BARX2: variants seen among roughly 807,000 people sequenced by gnomAD.
The protein encoded by BARX2 is BARX homeobox 2.
A neutral mutation model predicts 25.5 loss-of-function variants in BARX2; 11 were observed. That is an observed-to-expected ratio of 0.43 (90% confidence interval 0.27 to 0.71). BARX2 has a LOEUF of 0.71. BARX2 is among the 30% of genes least tolerant of loss of function. The pLI is 0.19. For synonymous variants in BARX2, 137 were observed against 149.5 expected (o/e 0.92, Z 0.61); for missense variants, 360 against 359.9 (o/e 1.00, Z 0.00).
chr11:129,378,675 C>A (rs1163560291), intron 1 of BARX2, among the ~76,000 whole-genome samples: 1 of 140,238 alleles, frequency 7.1e-6, no homozygotes, highest in African/African-American at 2.6e-5. Flanking sequence ...AGTTACTGAA[C>A]TTTCTCAGCC....
intron 1 of BARX2, among the ~76,000 whole-genome samples, chr11:129,396,726 T>A (rs1033776634): frequency 3.9e-5 from 6 of 152,000 alleles, no homozygotes; most frequent in Non-Finnish European, 7.4e-5. Context: ...AGTAATAGAA[T>A]ATGCTGGAAT....
chr11:129,395,254 A>G (rs967741690), intron 1 of BARX2, among the ~76,000 whole-genome samples: 1 of 152,078 alleles, frequency 6.6e-6, no homozygotes, highest in Non-Finnish European at 1.5e-5. Context: ...TAGAGAGTCT[A>G]TTTAGTTCCC....
At position 129,451,667 on chromosome 11, in the gene BARX2, G is replaced by C; in HGVS notation, c.*265G>C. On this transcript the variant is annotated 3_prime_UTR_variant, in exon 4 of 4. Transcript: ENST00000281437. ...GGGAGAGAGCGCCTAGGAGCTGCCT[G>C]CCCCAGCTGGGGTGACGGCTGTAGG... The C allele has an allele frequency of 2.1e-6, 1 of 470,520 alleles. No individual in the cohort carries two copies. Among genetic ancestry groups the C allele is most frequent in the Non-Finnish European group, 3.8e-6 (1 of 261,726 alleles). 29.1% of individuals were successfully genotyped at this position (470,520 alleles called of 1,614,324 possible).
At position 129,436,735 on chromosome 11, in the gene BARX2, C is replaced by T; in HGVS notation, c.188-16C>T. The T allele has an allele frequency of 1.3e-6, 2 of 1,546,848 alleles. No homozygotes were observed. Among genetic ancestry groups the T allele is most frequent in the African/African-American group, 1.4e-5 (1 of 73,214 alleles). Reference sequence around the variant, plus strand: ...ACCGTTCCCTGTGGTGACCTGCCTCCCTGCTTGTTTTCCAGGCTCCCCTTC... The same window carrying T: ...ACCGTTCCCTGTGGTGACCTGCCTCTCTGCTTGTTTTCCAGGCTCCCCTTC... On this transcript the variant is annotated splice_polypyrimidine_tract_variant and intron_variant, in intron 1 of 3. Coordinates refer to ENST00000281437, the MANE Select transcript of BARX2 (RefSeq NM_003658.5). This position sits in a 1 kb window ranked among gnomAD's most constrained non-coding sequence, Gnocchi z 4.5.
intron 1 of BARX2, among the ~76,000 whole-genome samples, chr11:129,407,666 T>C (rs1861845420): frequency 6.6e-6 from 1 of 152,218 alleles, no homozygotes; most frequent in African/African-American, 2.4e-5. Context: ...TGCAGCACTC[T>C]ACTAAATGTT....
intron 2 of BARX2, 159 bp from the exon 3 acceptor site, chr11:129,442,676 G>C (rs1294953067): frequency 3.4e-5 from 24 of 713,714 alleles, no homozygotes; most frequent in Non-Finnish European, 6.1e-5. Context: ...TGGATTCTTG[G>C]AAGGAAAGAA....
intron 1 of BARX2, among the ~76,000 whole-genome samples, chr11:129,432,364 A>G (rs1161188958): frequency 6.6e-6 from 1 of 152,188 alleles, no homozygotes; most frequent in African/African-American, 2.4e-5. Flanking sequence ...ACCCAGCCTC[A>G]TTTGTTGAAA....
chr11:129,383,391 A>G (rs1861587630), intron 1 of BARX2, among the ~76,000 whole-genome samples: 1 of 152,210 alleles, frequency 6.6e-6, no homozygotes, highest in Non-Finnish European at 1.5e-5. Context: ...AGAAGGCGGT[A>G]TAATTATATT....
chr11:129,393,553 T>A (rs1026148910), intron 1 of BARX2, among the ~76,000 whole-genome samples: 3 of 151,882 alleles, frequency 2.0e-5, no homozygotes, highest in Non-Finnish European at 4.4e-5. Context: ...GTAAAGTTCT[T>A]ACATAGCTGA....
intron 1 of BARX2, among the ~76,000 whole-genome samples, chr11:129,393,018 C>A (rs1292275620): frequency 6.6e-6 from 1 of 152,058 alleles, no homozygotes. Context: ...TGCCTGTAAT[C>A]CTAGGACTGT....
chr11:129,434,010 G>A (rs1862158304), intron 1 of BARX2, among the ~76,000 whole-genome samples: 1 of 152,172 alleles, frequency 6.6e-6, no homozygotes, highest in South Asian at 2.1e-4. Context: ...AGATGCAAAT[G>A]TGTAGATTCC....
At chr11:129,428,855 G>A (rs1359752747) in intron 1 of BARX2, among the ~76,000 whole-genome samples, 1 of 152,180 alleles carries the variant, frequency 6.6e-6, no homozygotes, top group African/African-American at 2.4e-5. Flanking sequence ...TTGTGTGTGC[G>A]CCTCCAACTT....
At position 129,376,254 on chromosome 11, in the gene BARX2, T is replaced by G; in HGVS notation, c.187+32T>G. On this transcript the variant is annotated intron_variant, in intron 1 of 3. Coordinates refer to ENST00000281437, the MANE Select transcript of BARX2 (RefSeq NM_003658.5). This position sits in a 1 kb window ranked among gnomAD's most constrained non-coding sequence, Gnocchi z 4.2. ...CGCTCCGCTAGGGGATAAGTGGGGT[T>G]CGGTAGCTTTCACGTCCGTGTAGGT... The G allele has an allele frequency of 6.4e-7, 1 of 1,568,672 alleles. No individual in the cohort carries two copies. Among genetic ancestry groups the G allele is most frequent in the South Asian group, 1.2e-5 (1 of 86,616 alleles).
At chr11:129,410,925 C>T (rs1413558489) in intron 1 of BARX2, among the ~76,000 whole-genome samples, 8 of 152,182 alleles carry the variant, frequency 5.3e-5, no homozygotes, top group East Asian at 1.9e-4. Flanking sequence ...ACAGTATACA[C>T]GGTGCAGCCA....
rs183946902 is a variant in BARX2 at position 129,432,957 on chromosome 11, T to C, written c.188-3794T>C. Among the ~76,000 whole-genome samples, 135 of 152,220 alleles carry C rather than the reference T, an allele frequency of 8.9e-4. 4 individuals are homozygous for C. Among genetic ancestry groups the C allele is most frequent in the Admixed American group, 8.8e-3 (135 of 15,292 alleles). ...GGCGTGCCCCAGAGTTCAGCCCTTG[T>C]ATTTCTTCATTTTTTTATTCCACCC... On this transcript the variant is annotated intron_variant, in intron 1 of 3. Coordinates refer to ENST00000281437, the MANE Select transcript of BARX2 (RefSeq NM_003658.5).
In BARX2 at chr11:129,376,197, AC is replaced by A. The variant is rs752697198; in HGVS notation, c.165del (p.Lys56SerfsTer20). 1 of 1,609,248 alleles carries A rather than the reference AC, an allele frequency of 6.2e-7. No individual in the cohort carries two copies. Among genetic ancestry groups the A allele is most frequent in the Non-Finnish European group, 8.5e-7 (1 of 1,177,822 alleles). Reference protein sequence around the residue: ...YSVCPSLVVRPKPLHSCTGSP... With the variant: ...YSVCPSLVVRXKPLHSCTGSP... ...CCGTGTGCCCGTCGCTGGTCGTGCG[AC>A]CCAAGCCCCTGCATTCCTGTACGGG... On this transcript the variant is annotated frameshift_variant, in exon 1 of 4. Coordinates refer to ENST00000281437, the MANE Select transcript of BARX2 (RefSeq NM_003658.5). LOFTEE classifies it high-confidence loss of function. The surrounding 1 kb of genome is among the most constrained non-coding windows in gnomAD (Gnocchi z 4.2).
intron 1 of BARX2, among the ~76,000 whole-genome samples, chr11:129,404,696 C>T (rs190626810): frequency 2.6e-5 from 4 of 152,236 alleles, no homozygotes; most frequent in Admixed American, 1.3e-4. Flanking sequence ...TGTTTCATTC[C>T]CAGGAAGACA....
intron 1 of BARX2, among the ~76,000 whole-genome samples, chr11:129,382,386 A>G (rs1861575160): frequency 6.6e-6 from 1 of 151,994 alleles, no homozygotes; most frequent in South Asian, 2.1e-4. Context: ...ACCATGTTGG[A>G]CAGGCTGGTC....
intron 1 of BARX2, among the ~76,000 whole-genome samples, chr11:129,421,097 T>C (rs1861999483): frequency 6.6e-6 from 1 of 152,186 alleles, no homozygotes; most frequent in African/African-American, 2.4e-5. Flanking sequence ...AAGGCCTTCT[T>C]GCTGTAGGGA....
Sources: allele counts gnomAD v4.1 joint callset (sites outside exome capture counted in the v4.1 genomes callset), GRCh38; gene constraint gnomAD v4.1.1; non-coding constraint Gnocchi (gnomAD v3.1); transcripts MANE v1.5; gene names NCBI Gene and HGNC (gene_info 2026-07-23, HGNC 2026-07-21).